The following ARNT2 variants were observed in gnomAD, a reference collection of about 807,000 sequenced individuals.
The protein encoded by ARNT2 is aryl hydrocarbon receptor nuclear translocator 2.
A neutral mutation model predicts 91.7 loss-of-function variants in ARNT2; 36 were observed. That is an observed-to-expected ratio of 0.39 (90% CI 0.30 to 0.52). ARNT2 has a LOEUF of 0.52. ARNT2 is among the 20% of genes least tolerant of loss of function. The pLI is 0.72. For synonymous variants in ARNT2, 365 were observed against 347.1 expected (o/e 1.05, Z -0.57); for missense variants, 775 against 939.3 (o/e 0.83, Z 2.29).
intron 5 of ARNT2, among the ~76,000 whole-genome samples, chr15:80,485,683 T>C (rs1203505512): frequency 3.3e-5 from 5 of 151,972 alleles, no homozygotes; most frequent in East Asian, 1.9e-4. Flanking sequence ...TGGTGAAGCG[T>C]GGGGAGAGGG....
At chr15:80,502,876 G>A (rs1424338028) in intron 5 of ARNT2, among the ~76,000 whole-genome samples, 2 of 152,168 alleles carry the variant, frequency 1.3e-5, no homozygotes, top group African/African-American at 2.4e-5. Context: ...CAGGGTGGCC[G>A]GTTGTTTAGG....
chr15:80,449,450 T>C (rs1294799850), intron 1 of ARNT2, among the ~76,000 whole-genome samples: 1 of 152,216 alleles, frequency 6.6e-6, no homozygotes, highest in Non-Finnish European at 1.5e-5. Context: ...CTTTTAATAC[T>C]GTCTAGCTGT....
At chr15:80,411,227 G>C (rs538660064) in intron 1 of ARNT2, among the ~76,000 whole-genome samples, 1 of 152,088 alleles carries the variant, frequency 6.6e-6, no homozygotes, top group African/African-American at 2.4e-5. Flanking sequence ...GGAGCACTTC[G>C]CCTCATGTAA....
chr15:80,411,220 G>A (rs1179464117), intron 1 of ARNT2, among the ~76,000 whole-genome samples: 10 of 152,174 alleles, frequency 6.6e-5, no homozygotes, highest in Admixed American at 3.3e-4. Context: ...TGCTTCTGGA[G>A]CACTTCGCCT....
At chr15:80,590,725 G>A (rs1226342331) in intron 17 of ARNT2, among the ~76,000 whole-genome samples, 1 of 152,214 alleles carries the variant, frequency 6.6e-6, no homozygotes, top group Non-Finnish European at 1.5e-5. Flanking sequence ...CAGGGCAGTG[G>A]AATAAGACTC....
At chr15:80,481,022 A>G (rs1401901755) in intron 5 of ARNT2, among the ~76,000 whole-genome samples, 1 of 152,156 alleles carries the variant, frequency 6.6e-6, no homozygotes, top group East Asian at 1.9e-4. Context: ...TTTGCCAACT[A>G]TTCCAGCCGG....
chr15:80,530,188 A>G (rs986198343), intron 8 of ARNT2, among the ~76,000 whole-genome samples: 1 of 152,172 alleles, frequency 6.6e-6, no homozygotes, highest in African/African-American at 2.4e-5. Flanking sequence ...TTCCAGAAAG[A>G]TATTTCAGGC....
chr15:80,513,259 G>T (rs1484570660), intron 6 of ARNT2, among the ~76,000 whole-genome samples: 1 of 152,188 alleles, frequency 6.6e-6, no homozygotes, highest in East Asian at 1.9e-4. Flanking sequence ...AGGCAGGAAA[G>T]GTTGTCCCAG....
intron 1 of ARNT2, among the ~76,000 whole-genome samples, chr15:80,430,030 C>T (rs936201057): frequency 2.0e-5 from 3 of 152,148 alleles, no homozygotes; most frequent in Non-Finnish European, 4.4e-5. Context: ...ATGAAAGTGC[C>T]TGTCCTTGAG....
chr15:80,467,645 G>A (rs140366110), intron 3 of ARNT2, among the ~76,000 whole-genome samples: 1 of 152,226 alleles, frequency 6.6e-6, no homozygotes, highest in Non-Finnish European at 1.5e-5. Context: ...CAGCGGCCAG[G>A]GTGCCTGCCC....
chr15:80,592,575 C>T (rs2141490191), intron 18 of ARNT2, among the ~76,000 whole-genome samples: 2 of 152,362 alleles, frequency 1.3e-5, no homozygotes, highest in African/African-American at 4.8e-5. Context: ...CCACCCTCAT[C>T]CCAAGCCCCT....
chr15:80,530,456 G>T (rs917495612), intron 8 of ARNT2, among the ~76,000 whole-genome samples: 7 of 152,142 alleles, frequency 4.6e-5, no homozygotes, highest in African/African-American at 1.7e-4. Context: ...CTGTAAGCTT[G>T]TAGGTTGGTC....
intron 17 of ARNT2, among the ~76,000 whole-genome samples, chr15:80,586,853 A>AG (rs923878206): frequency 1.3e-5 from 2 of 152,014 alleles, no homozygotes; most frequent in African/African-American, 4.8e-5. Flanking sequence ...AAAAAAAAAA[A>AG]AAGGAATTTA....
intron 3 of ARNT2, among the ~76,000 whole-genome samples, chr15:80,458,654 C>T (rs1189749503): frequency 6.6e-6 from 1 of 151,962 alleles, no homozygotes; most frequent in Non-Finnish European, 1.5e-5. Flanking sequence ...AGGCCCAACC[C>T]CATGACTGTG....
At chr15:80,528,580 G>A (rs1459494262) in intron 8 of ARNT2, among the ~76,000 whole-genome samples, 1 of 152,106 alleles carries the variant, frequency 6.6e-6, no homozygotes, top group East Asian at 1.9e-4. Context: ...CTAGTGGGAG[G>A]TGTTTGGGTC....
chr15:80,495,546 C>G (rs1897114604), intron 5 of ARNT2, among the ~76,000 whole-genome samples: 1 of 152,224 alleles, frequency 6.6e-6, no homozygotes, highest in Non-Finnish European at 1.5e-5. Flanking sequence ...GTGGCCTTTG[C>G]AAAGCATGCT....
At chr15:80,449,532 T>A (rs1466214821) in intron 1 of ARNT2, among the ~76,000 whole-genome samples, 1 of 152,220 alleles carries the variant, frequency 6.6e-6, no homozygotes, top group Non-Finnish European at 1.5e-5. Flanking sequence ...GAGGACTTTT[T>A]GATGTGTACC....
At chr15:80,489,519 C>T (rs1051012505) in intron 5 of ARNT2, among the ~76,000 whole-genome samples, 1 of 152,214 alleles carries the variant, frequency 6.6e-6, no homozygotes, top group Non-Finnish European at 1.5e-5. Flanking sequence ...GCTGAGCGCA[C>T]ACGTTCTAAG....
chr15:80,593,378 G>A (rs572333773), intron 18 of ARNT2, among the ~76,000 whole-genome samples: 4 of 152,356 alleles, frequency 2.6e-5, no homozygotes, highest in East Asian at 1.9e-4. Context: ...TCCTAATGCC[G>A]TTTACCTGCT....
Sources: gnomAD v4.1 joint callset for allele counts (sites outside exome capture counted in the v4.1 genomes callset) on GRCh38, gnomAD v4.1.1 for gene constraint, MANE v1.5 for transcripts, NCBI Gene and HGNC (gene_info 2026-07-23, HGNC 2026-07-21) for gene names.